The following DNM3 variants were observed in gnomAD, a reference collection of about 807,000 sequenced individuals.
DNM3 encodes dynamin 3.
A neutral mutation model predicts 101.6 loss-of-function variants in DNM3; 47 were observed. The observed-to-expected ratio is 0.46, with a 90% confidence interval of 0.37 to 0.59. The LOEUF (loss-of-function observed/expected upper bound fraction) is 0.59. DNM3 is among the 20% of genes least tolerant of loss of function. The pLI, the probability that DNM3 is intolerant of heterozygous loss-of-function variation, is 0.00. For synonymous variants in DNM3, 385 were observed against 387.9 expected (o/e 0.99, Z 0.09); for missense variants, 849 against 1,085.7 (o/e 0.78, Z 3.06).
chr1:172,315,545 G>C (rs2065296763), intron 16 of DNM3, among the ~76,000 whole-genome samples: 1 of 152,192 alleles, frequency 6.6e-6, no homozygotes, highest in African/African-American at 2.4e-5. Context: ...GTGCTTAAAG[G>C]AGCTGATGGA....
chr1:172,005,120 C>T (rs2046599837), intron 4 of DNM3, among the ~76,000 whole-genome samples: 1 of 152,088 alleles, frequency 6.6e-6, no homozygotes, highest in South Asian at 2.1e-4. Context: ...CCACCATTTA[C>T]TAGTTGTGTG....
In DNM3 at chr1:171,996,410, G is replaced by C. The variant is rs550199472; in HGVS notation, c.589+7262G>C. Among the ~76,000 whole-genome samples, 183 of 152,114 alleles carry C rather than the reference G, an allele frequency of 1.2e-3. 1 individual carries two copies. The highest frequency in any genetic ancestry group is 7.2e-4 in the Non-Finnish European group (49 of 67,990). ...TTGGTATGGGTGAGATCCTATTTTG[G>C]GGTAAGGAAGTTTTTCTAGGTAATA... is the stretch of plus-strand genomic sequence containing the variant. On this transcript the variant is annotated intron_variant, in intron 4 of 20. Coordinates refer to ENST00000627582, the MANE Select transcript of DNM3 (RefSeq NM_015569.5).
intron 10 of DNM3, among the ~76,000 whole-genome samples, chr1:172,057,106 G>T (rs2050706423): frequency 6.6e-6 from 1 of 152,098 alleles, no homozygotes; most frequent in South Asian, 2.1e-4. Context: ...AATGGAAGAT[G>T]AAGTGAATGA....
intron 1 of DNM3, among the ~76,000 whole-genome samples, chr1:171,913,403 A>T (rs1473858894): frequency 6.6e-6 from 1 of 152,192 alleles, no homozygotes; most frequent in African/African-American, 2.4e-5. Flanking sequence ...ATTCTTTGTA[A>T]ATCTGTAAGT....
At chr1:171,952,381 G>A (rs900155876) in intron 2 of DNM3, among the ~76,000 whole-genome samples, 17 of 152,292 alleles carry the variant, frequency 1.1e-4, no homozygotes, top group Admixed American at 3.9e-4. Flanking sequence ...CATGAGTCAG[G>A]TTGGAATTTG....
chr1:172,249,077 C>T (rs768443552), intron 14 of DNM3, among the ~76,000 whole-genome samples: 26 of 152,102 alleles, frequency 1.7e-4, no homozygotes, highest in Non-Finnish European at 3.5e-4. Context: ...TGAATAAAGT[C>T]CTCCCAGTCC....
At chr1:171,860,379 T>G (rs1448899552) in intron 1 of DNM3, among the ~76,000 whole-genome samples, 1 of 152,120 alleles carries the variant, frequency 6.6e-6, no homozygotes, top group Admixed American at 6.6e-5. Context: ...AAGTGTAAAA[T>G]ACACATGAAA....
At chr1:172,123,312 CTTT>C (rs1331720659) in intron 13 of DNM3, among the ~76,000 whole-genome samples, 1 of 152,152 alleles carries the variant, frequency 6.6e-6, no homozygotes, top group Non-Finnish European at 1.5e-5. Context: ...TTCACAACTT[CTTT>C]ATCTCTGTCA....
chr1:172,022,747 A>AT (rs1232513883), intron 4 of DNM3, among the ~76,000 whole-genome samples: 2 of 151,828 alleles, frequency 1.3e-5, no homozygotes, highest in East Asian at 1.9e-4. Flanking sequence ...TTATATTACT[A>AT]TTTTTTATTT....
intron 14 of DNM3, among the ~76,000 whole-genome samples, chr1:172,232,301 A>G (rs991534157): frequency 6.6e-6 from 1 of 152,216 alleles, no homozygotes; most frequent in Non-Finnish European, 1.5e-5. Context: ...AGGCCATTAC[A>G]TAATGGTAAA....
downstream of DNM3, among the ~76,000 whole-genome samples, chr1:172,417,668 C>T (rs2071477552): frequency 2.0e-5 from 3 of 152,272 alleles, no homozygotes; most frequent in Middle Eastern, 3.4e-3. Context: ...CAGGCTATTA[C>T]ACACCAGGAC....
chr1:172,190,170 C>A (rs991790412), intron 14 of DNM3, among the ~76,000 whole-genome samples: 2 of 152,056 alleles, frequency 1.3e-5, no homozygotes, highest in African/African-American at 4.8e-5. Context: ...TTCCCTGCAC[C>A]CCCACCGGCA....
intron 10 of DNM3, among the ~76,000 whole-genome samples, chr1:172,059,850 A>G (rs1444293458): frequency 1.6e-5 from 2 of 123,384 alleles, no homozygotes; most frequent in African/African-American, 3.2e-5. Flanking sequence ...GGCCAGGGCA[A>G]TTAGGCAGGA....
At chr1:172,269,958 A>G (rs1235292847) in intron 15 of DNM3, among the ~76,000 whole-genome samples, 1 of 152,136 alleles carries the variant, frequency 6.6e-6, no homozygotes. Context: ...TGGCCGTCTT[A>G]GAGGCCTCCC....
intron 17 of DNM3, among the ~76,000 whole-genome samples, chr1:172,375,429 C>G (rs2068547358): frequency 6.6e-6 from 1 of 151,980 alleles, no homozygotes; most frequent in African/African-American, 2.4e-5. Context: ...GAATGATTGG[C>G]AGTGGAGAGA....
chr1:172,379,256 C>A, intron 18 of DNM3, 74 bp downstream of exon 18: 2 of 1,252,534 alleles, frequency 1.6e-6, no homozygotes, highest in Non-Finnish European at 2.2e-6. Flanking sequence ...TTATCTTCAG[C>A]TTCTTTGTGT....
At chr1:172,082,944 G>C (rs766075076) in intron 12 of DNM3, among the ~76,000 whole-genome samples, 1 of 152,186 alleles carries the variant, frequency 6.6e-6, no homozygotes, top group Non-Finnish European at 1.5e-5. Flanking sequence ...GGGTAGATAA[G>C]ATTTCTTCCA....
At position 172,063,318 on chromosome 1, in the gene DNM3, C is replaced by T. The variant is rs527445681; in HGVS notation, c.1336-5501C>T. On this transcript the variant is annotated intron_variant, in intron 10 of 20. Coordinates refer to ENST00000627582, the MANE Select transcript of DNM3 (RefSeq NM_015569.5). ...CTTATGGTCTGATAAACTGTTAATA[C>T]ATTTTGGAAGTGTATAATTTTTGTT... 9.9e-5 allele frequency among the ~76,000 whole-genome samples: 15 copies of T among 151,292 alleles called. 1 individual carries two copies. In the South Asian group the frequency reaches 2.7e-3, roughly 27 times the overall value.
chr1:171,929,684 G>T (rs1005290548), intron 2 of DNM3, among the ~76,000 whole-genome samples: 2 of 152,226 alleles, frequency 1.3e-5, no homozygotes, highest in Non-Finnish European at 2.9e-5. Context: ...AAAGATGGCA[G>T]CCTGGCCCTC....
Sources: allele counts gnomAD v4.1 joint callset (sites outside exome capture counted in the v4.1 genomes callset), GRCh38; gene constraint gnomAD v4.1.1; transcripts MANE v1.5; gene names NCBI Gene and HGNC (gene_info 2026-07-23, HGNC 2026-07-21).